Variants in THNSL2 observed in about 807,000 individuals in gnomAD.
The protein encoded by THNSL2 is threonine synthase like 2.
In THNSL2, 34 loss-of-function variants were observed where a neutral mutation model predicts 40.0. That is an observed-to-expected ratio of 0.85 (90% CI 0.65 to 1.13). The LOEUF (loss-of-function observed/expected upper bound fraction) is 1.13, where lower values mean the gene tolerates loss of function less well. Ranked by LOEUF, THNSL2 falls within the 50% of genes most tolerant of loss-of-function variation. The pLI is 0.00. For synonymous variants in THNSL2, 241 were observed against 247.5 expected (o/e 0.97, Z 0.25); for missense variants, 537 against 608.8 (o/e 0.88, Z 1.24).
At chr2:88,172,564 A>G (rs1183598815) in intron 1 of THNSL2, 1 of 152,188 alleles carries the variant, frequency 6.6e-6, no homozygotes, top group African/African-American at 2.4e-5. Context: ...GACTCTCTTG[A>G]GGAGCCTCTC....
intron 4 of THNSL2, chr2:88,176,474 C>G (rs1676951275): frequency 6.6e-6 from 1 of 152,216 alleles, no homozygotes; most frequent in Non-Finnish European, 1.5e-5. Context: ...CCTGGGCGAG[C>G]TGTGGCCTTG....
chr2:88,178,576 G>A (rs2104201308), intron 4 of THNSL2, among the ~76,000 whole-genome samples: 1 of 152,306 alleles, frequency 6.6e-6, no homozygotes, highest in South Asian at 2.1e-4. Context: ...AGGAACACAA[G>A]AATCTGAGGC....
intron 1 of THNSL2, chr2:88,171,223 T>A (rs768243312): frequency 8.8e-6 from 4 of 454,846 alleles, no homozygotes; most frequent in Non-Finnish European, 1.8e-5. Context: ...GTATTTCTCT[T>A]TAGCTTTGCT....
intron 5 of THNSL2, 115 bp downstream of exon 5, chr2:88,179,128 G>A: frequency 9.4e-7 from 1 of 1,059,876 alleles, no homozygotes; most frequent in South Asian, 1.4e-5. Flanking sequence ...TCCCAGTTCT[G>A]AAGGTGATGG....
Position 88,185,216 on chromosome 2 carries a change from T to A in THNSL2, c.1078-112T>A, listed in dbSNP as rs549187479. 7 of 1,432,572 alleles carry A rather than the reference T, an allele frequency of 4.9e-6. No homozygotes were observed. The South Asian group carries it at 9.8e-5, about 20-fold the overall frequency. The allele number at this position is 1,432,572 out of a possible 1,614,324, so 88.7% of individuals were successfully genotyped here. On this transcript the variant is annotated intron_variant, in intron 7 of 8. Coordinates refer to ENST00000674334, the MANE Select transcript of THNSL2 (RefSeq NM_018271.5). ...CCACATCTGAGCCATTCGGTCTGAA[T>A]GTCCCACTGGATCCCTGGGGTTTGT...
At chr2:88,176,451 G>A (rs186835733) in intron 4 of THNSL2, 2 of 152,360 alleles carry the variant, frequency 1.3e-5, no homozygotes, top group East Asian at 1.9e-4. Context: ...TGGGGACTTG[G>A]ATTAAGTTTT....
chr2:88,179,038 G>A (rs767959464), intron 5 of THNSL2, 25 bp downstream of exon 5: 2 of 1,611,178 alleles, frequency 1.2e-6, no homozygotes, highest in African/African-American at 2.7e-5. Context: ...GGGCACAAAT[G>A]GGCTTTCCAG....
At chr2:88,177,357 G>C (rs1377060921) in intron 4 of THNSL2, among the ~76,000 whole-genome samples, 2 of 152,128 alleles carry the variant, frequency 1.3e-5, no homozygotes, top group Non-Finnish European at 2.9e-5. Flanking sequence ...TAGGGAGTAG[G>C]GATGGACCAC....
chr2:88,178,934 G>A lies in THNSL2; in HGVS notation c.723G>A (p.Gln241=), dbSNP rs749204023. The A allele has an allele frequency of 4.3e-6, 7 of 1,614,122 alleles. No individual in the cohort carries two copies. The highest frequency in any genetic ancestry group is 3.4e-6 in the Non-Finnish European group (4 of 1,180,062). ...CCCATCACTTCTTTGCTTACTTCCA[G>A]TGTACGCCATCCTTGGACACACATC... ...QMAHHFFAYF[Q]CTPSLDTHPL... is the part of the protein sequence containing the mutation. Residue 241 remains glutamine, a synonymous_variant, in exon 5 of 9, where the codon CAG becomes CAA. Transcript: ENST00000674334.
chr2:88,178,766 T>G lies in THNSL2; in HGVS notation c.572-17T>G, dbSNP rs1229484182. ...TACATGCTCCTGACAGCTGCCCTCT[T>G]CTCTCCCCCCTGGCAGTGGAGGGAA... On this transcript the variant is annotated splice_polypyrimidine_tract_variant and intron_variant, in intron 4 of 8. Transcript: ENST00000674334. 1.9e-6 allele frequency: 3 copies of G among 1,613,830 alleles called. No individual in the cohort carries two copies. In the African/African-American group the frequency reaches 4.0e-5, roughly 22 times the overall value.
At position 88,173,137 on chromosome 2, in the gene THNSL2, A is replaced by G; in HGVS notation, c.-12-2A>G. Reference sequence around the variant, plus strand: ...GTGCTTCTGGGACTGTCCTCTCTGCAGGCCTCCAGGATCATGTGGTATGTC... The same window carrying G: ...GTGCTTCTGGGACTGTCCTCTCTGCGGGCCTCCAGGATCATGTGGTATGTC... On this transcript the variant is annotated splice_acceptor_variant, in intron 1 of 8. Coordinates refer to ENST00000674334, the MANE Select transcript of THNSL2 (RefSeq NM_018271.5). LOFTEE classifies it low-confidence loss of function (5UTR_SPLICE). The G allele has an allele frequency of 6.6e-7, 1 of 1,513,600 alleles. No homozygotes were observed. Among genetic ancestry groups the G allele is most frequent in the Non-Finnish European group, 8.9e-7 (1 of 1,128,130 alleles). 93.8% of individuals were successfully genotyped at this position (1,513,600 alleles called of 1,614,324 possible). A position where few individuals can be genotyped will look rare whatever the true frequency, so the allele number is the denominator to read the frequency against.
chr2:88,183,175 G>A, intron 7 of THNSL2, 102 bp downstream of exon 7: 1 of 1,494,014 alleles, frequency 6.7e-7, no homozygotes, highest in Non-Finnish European at 9.0e-7. Context: ...CCTGTTTCTT[G>A]AGTACCTGCT....
At chr2:88,175,905 C>T (rs1676875517) in intron 4 of THNSL2, 1 of 153,536 alleles carries the variant, frequency 6.5e-6, no homozygotes, top group Non-Finnish European at 1.4e-5. Flanking sequence ...TGAGACCAGC[C>T]TGGGCAACAT....
intron 2 of THNSL2, among the ~76,000 whole-genome samples, chr2:88,173,637 AAC>A (rs1553461576): frequency 6.6e-6 from 1 of 151,638 alleles, no homozygotes; most frequent in African/African-American, 2.4e-5. Flanking sequence ...AAAAAAAAAA[AAC>A]AAAAACCTCT....
At position 88,178,891 on chromosome 2, in the gene THNSL2, G is replaced by A. The variant is rs746031764; in HGVS notation, c.680G>A (p.Arg227Gln). ...AGCCTGAATTCGATCAACTGGTCCC[G>A]GGTCCTGGTGCAGATGGCCCATCAC... ...LMSLNSINWS[R>Q]VLVQMAHHFF... The change falls in exon 5 of 9, where the codon CGG becomes CAG. Residue 227 changes from arginine (R) to glutamine (Q), a missense_variant. By Grantham distance (43) the Arg-to-Gln change is conservative (BLOSUM62 1). Transcript: ENST00000674334. 1.1e-4 allele frequency: 182 copies of A among 1,614,058 alleles called. No homozygotes were observed. Among genetic ancestry groups the A allele is most frequent in the Middle Eastern group, 1.6e-4 (1 of 6,084 alleles).
At chr2:88,180,581 AT>A (rs141480451) in intron 5 of THNSL2, among the ~76,000 whole-genome samples, 80,234 of 147,752 alleles carry the variant, frequency 0.54, 24,187 homozygotes, top group Non-Finnish European at 0.68. Flanking sequence ...CAAAAAAAAA[AT>A]AAAAGTGTTT....
At chr2:88,185,822 C>T (rs1573217270) in intron 8 of THNSL2, 76 bp from the exon 9 acceptor site, 1 of 1,539,562 alleles carries the variant, frequency 6.5e-7, no homozygotes, top group South Asian at 1.2e-5. Context: ...GTTTCTTATT[C>T]CTCCTCCACC....
intron 7 of THNSL2, 38 bp downstream of exon 7, chr2:88,183,111 G>A (rs764417811): frequency 3.9e-5 from 62 of 1,596,384 alleles, no homozygotes; most frequent in Non-Finnish European, 5.3e-5. Flanking sequence ...AAAGGAAAGG[G>A]TACAGCCACA....
chr2:88,173,252 G>A lies in THNSL2; in HGVS notation c.102G>A (p.Glu34=). 6.2e-7 allele frequency: 1 copy of A among 1,612,246 alleles called. No individual in the cohort carries two copies. Among genetic ancestry groups the A allele is most frequent in the Non-Finnish European group, 8.5e-7 (1 of 1,179,908 alleles). ...ACGGGGGCCTCTTTATGCCTGAAGA[G>A]CTCCCACAGTTGGACAGAGGGACCC... ...APDGGLFMPE[E]LPQLDRGTLC... Residue 34 remains glutamate, a synonymous_variant, in exon 2 of 9, where the codon GAG becomes GAA. Transcript: ENST00000674334.
Sources: allele counts gnomAD v4.1 joint callset (sites outside exome capture counted in the v4.1 genomes callset), GRCh38; gene constraint gnomAD v4.1.1; transcripts MANE v1.5; gene names NCBI Gene and HGNC (gene_info 2026-07-23, HGNC 2026-07-21).